KCND2: variants seen among roughly 807,000 people sequenced by gnomAD.
KCND2 encodes A-type voltage-gated potassium channel KCND2.
In KCND2, 16 loss-of-function variants were observed where a neutral mutation model predicts 54.4. That is an observed-to-expected ratio of 0.29 (90% CI 0.20 to 0.45). The LOEUF (loss-of-function observed/expected upper bound fraction) is 0.45, where lower values mean the gene tolerates loss of function less well. Ranked by LOEUF, KCND2 falls within the 20% of genes least tolerant of loss-of-function variation. The probability of loss-of-function intolerance (pLI) is 1.00; values close to 1 mark genes in which losing one functional copy is unlikely to be tolerated. For synonymous variants in KCND2, 317 were observed against 310.7 expected, an observed-to-expected ratio of 1.02 and a Z score of -0.21; for missense variants, 486 against 824.2, an observed-to-expected ratio of 0.59 and a Z score of 5.02.
intron 1 of KCND2, among the ~76,000 whole-genome samples, chr7:120,634,760 A>G (rs532928366): frequency 4.4e-4 from 67 of 152,330 alleles, no homozygotes; most frequent in African/African-American, 1.6e-3. Context: ...CTCTAGTAGT[A>G]TTCCACTGGT....
In KCND2 at chr7:120,608,086, T is replaced by C. The variant is rs554956683; in HGVS notation, c.1116-124817T>C. Among the ~76,000 whole-genome samples the C allele has an allele frequency of 2.6e-5, 4 of 152,096 alleles. No homozygotes were observed. The East Asian group carries it at 7.7e-4, about 29-fold the overall frequency. ...AAATTAGACCTATGTGCCAGAAAAG[T>C]TTATCTTTATATGTGTATAAATATT... On this transcript the variant is annotated intron_variant, in intron 1 of 5. Transcript: ENST00000331113.
intron 1 of KCND2, among the ~76,000 whole-genome samples, chr7:120,315,765 AGTGTGTGTGTGTGTGT>A (rs59537613): frequency 0.02 from 2,776 of 137,550 alleles, 33 homozygotes; most frequent in East Asian, 0.062. Context: ...TTCCATAAGC[AGTGTGTGTGTGTGTGT>A]GTGTGTGTGT....
At chr7:120,741,318 A>C (rs183934271) in intron 2 of KCND2, among the ~76,000 whole-genome samples, 1 of 152,306 alleles carries the variant, frequency 6.6e-6, no homozygotes, top group Admixed American at 6.5e-5. Flanking sequence ...TAAAGGCATA[A>C]GCCAGCTCCA....
At chr7:120,508,991 A>G (rs1278040113) in intron 1 of KCND2, among the ~76,000 whole-genome samples, 1 of 151,060 alleles carries the variant, frequency 6.6e-6, no homozygotes, top group East Asian at 2.0e-4. Flanking sequence ...TGATTGCAAT[A>G]TTAGAAACAA....
chr7:120,701,795 A>G (rs775185002), intron 1 of KCND2, among the ~76,000 whole-genome samples: 2 of 152,194 alleles, frequency 1.3e-5, no homozygotes, highest in African/African-American at 2.4e-5. Context: ...TACACCATAT[A>G]TAAAAATTAA....
rs1343489816 is a variant in KCND2, at chr7:120,421,848, T to C, written c.1115+146101T>C. 2.0e-5 allele frequency among the ~76,000 whole-genome samples: 3 copies of C among 152,110 alleles called. No individual in the cohort carries two copies. The South Asian group carries it at 6.2e-4, about 32-fold the overall frequency. On this transcript the variant is annotated intron_variant, in intron 1 of 5. Coordinates refer to ENST00000331113, the MANE Select transcript of KCND2 (RefSeq NM_012281.3). The stretch of plus-strand genomic sequence containing the variant: ...CCACAATCCTGGCATGGATTAGCAA[T>C]GTTGGCCCACCTGCTCCCTGAAAGA...
chr7:120,500,866 C>T (rs924398546), intron 1 of KCND2, among the ~76,000 whole-genome samples: 1 of 150,980 alleles, frequency 6.6e-6, no homozygotes, highest in Non-Finnish European at 1.5e-5. Context: ...TGAGAATATT[C>T]TACCTATAAT....
chr7:120,317,940 A>G (rs1799836442), intron 1 of KCND2, among the ~76,000 whole-genome samples: 1 of 152,186 alleles, frequency 6.6e-6, no homozygotes, highest in Non-Finnish European at 1.5e-5. Flanking sequence ...GCCTAGATAG[A>G]TAAAGTAGTA....
intron 1 of KCND2, among the ~76,000 whole-genome samples, chr7:120,469,468 A>G (rs566711829): frequency 1.8e-4 from 27 of 152,106 alleles, no homozygotes; most frequent in Non-Finnish European, 3.2e-4. Context: ...CCCCAGTGCC[A>G]GAAACATCAA....
chr7:120,495,326 C>A (rs1016658603), intron 1 of KCND2, among the ~76,000 whole-genome samples: 7 of 147,622 alleles, frequency 4.7e-5, no homozygotes, highest in African/African-American at 1.8e-4. Flanking sequence ...TATTTTAAAG[C>A]AGGATAGAAT....
intron 1 of KCND2, among the ~76,000 whole-genome samples, chr7:120,386,408 G>A (rs1451256817): frequency 6.6e-6 from 1 of 151,920 alleles, no homozygotes; most frequent in Non-Finnish European, 1.5e-5. Context: ...TGGTGCTTCG[G>A]AGCACAGGAT....
At chr7:120,325,590 T>C (rs1021820746) in intron 1 of KCND2, among the ~76,000 whole-genome samples, 6 of 151,844 alleles carry the variant, frequency 4.0e-5, no homozygotes, top group Admixed American at 1.3e-4. Context: ...TCTGTTTATA[T>C]GCTGGATTAC....
intron 1 of KCND2, among the ~76,000 whole-genome samples, chr7:120,532,404 TATTTTA>T (rs1791853954): frequency 6.6e-6 from 1 of 151,838 alleles, no homozygotes; most frequent in African/African-American, 2.4e-5. Context: ...TATAAATAAT[TATTTTA>T]TATATCCTAA....
At chr7:120,368,108 C>T (rs1042738437) in intron 1 of KCND2, among the ~76,000 whole-genome samples, 10 of 152,042 alleles carry the variant, frequency 6.6e-5, no homozygotes, top group Non-Finnish European at 1.0e-4. Flanking sequence ...TCATTCGATC[C>T]GAAGCATTTC....
intron 1 of KCND2, among the ~76,000 whole-genome samples, chr7:120,390,342 C>G (rs929081541): frequency 6.6e-6 from 1 of 151,852 alleles, no homozygotes; most frequent in Non-Finnish European, 1.5e-5. Flanking sequence ...TTTGCAATGA[C>G]GATGAAGGTG....
intron 1 of KCND2, among the ~76,000 whole-genome samples, chr7:120,407,448 G>A (rs1233691749): frequency 6.6e-6 from 1 of 152,018 alleles, no homozygotes; most frequent in Non-Finnish European, 1.5e-5. Flanking sequence ...GGAGAGGCAG[G>A]CATACTGTAG....
chr7:120,439,184 C>A (rs189294397), intron 1 of KCND2, among the ~76,000 whole-genome samples: 1 of 151,988 alleles, frequency 6.6e-6, no homozygotes, highest in South Asian at 2.1e-4. Context: ...ATTATATGTT[C>A]CCTGTAAGAA....
intron 1 of KCND2, among the ~76,000 whole-genome samples, chr7:120,694,384 T>C (rs1026504613): frequency 1.3e-5 from 2 of 152,246 alleles, no homozygotes; most frequent in Non-Finnish European, 2.9e-5. Context: ...GCACCTGGGT[T>C]TAATTAAGAC....
intron 1 of KCND2, among the ~76,000 whole-genome samples, chr7:120,562,065 G>A (rs1792242765): frequency 6.6e-6 from 1 of 152,184 alleles, no homozygotes; most frequent in South Asian, 2.1e-4. Context: ...CAACGTATCT[G>A]TTAATGAGTC....
Sources: allele counts gnomAD v4.1 joint callset (sites outside exome capture counted in the v4.1 genomes callset), GRCh38; gene constraint gnomAD v4.1.1; transcripts MANE v1.5; gene names NCBI Gene and HGNC (gene_info 2026-07-23, HGNC 2026-07-21).